The following TPRA1 variants were observed in gnomAD, a reference collection of about 807,000 sequenced individuals.
The protein encoded by TPRA1 is transmembrane protein adipocyte-associated 1.
In TPRA1, 28 loss-of-function variants were observed where a neutral mutation model predicts 40.1. The ratio of observed to expected loss-of-function variants is 0.70; its 90% CI spans 0.52 to 0.96. The LOEUF (loss-of-function observed/expected upper bound fraction) is 0.96, where lower values mean the gene tolerates loss of function less well. Ranked by LOEUF, TPRA1 falls within the 40% of genes least tolerant of loss-of-function variation. The probability of loss-of-function intolerance (pLI) is 0.00; values close to 1 mark genes in which losing one functional copy is unlikely to be tolerated. For synonymous variants in TPRA1, 219 were observed against 209.7 expected (o/e 1.04, Z -0.38); for missense variants, 441 against 482.6 (o/e 0.91, Z 0.81).
chr3:127,591,664 G>A (rs1228644002), upstream of TPRA1, among the ~76,000 whole-genome samples: 13 of 152,144 alleles, frequency 8.5e-5, no homozygotes, highest in Non-Finnish European at 8.8e-5. Flanking sequence ...TCGCTGGAGC[G>A]GCTGTCCAGT....
In TPRA1 at chr3:127,571,411, C is replaced by T. The variant is rs1559824471; in HGVS notation, c.*2110G>A. On this transcript the variant is annotated 3_prime_UTR_variant, in exon 11 of 11. Coordinates refer to ENST00000355552, the MANE Select transcript of TPRA1 (RefSeq NM_001136053.4). ...AATTAAAACTAATTAAGACTGTGTG[C>T]TCCAGCAATTCTACTTGCATGAGTT... 1.3e-5 allele frequency: 2 copies of T among 152,200 alleles called. No individual in the cohort carries two copies. Among genetic ancestry groups the T allele is most frequent in the South Asian group, 2.1e-4 (1 of 4,830 alleles). 9.4% of individuals were successfully genotyped at this position (152,200 alleles called of 1,614,324 possible). A position where few individuals can be genotyped will look rare whatever the true frequency, so the allele number is the denominator to read the frequency against.
At chr3:127,596,281 G>T (rs1246774992) in intron 1 of TPRA1, among the ~76,000 whole-genome samples, 1 of 152,116 alleles carries the variant, frequency 6.6e-6, no homozygotes, top group Admixed American at 6.6e-5. Context: ...GTTTCTCCAT[G>T]TTGGTCAGGC....
In TPRA1 at chr3:127,576,010, G is replaced by A. The variant is rs150898966; in HGVS notation, c.539C>T (p.Ala180Val). The change falls in exon 7 of 11, where the codon GCT (alanine) becomes GTT (valine). Residue 180 changes from alanine to valine, a missense_variant. By Grantham distance (64) the Ala-to-Val change is moderately conservative (BLOSUM62 0). Transcript: ENST00000355552. The surrounding 1 kb of genome is among the most constrained non-coding windows in gnomAD (Gnocchi z 4.6). ...ATGGCCATAGATATTAAAGTCCTCAGCTGAGAGATGGGCATCAGGGTACAG... is the reference window on the plus strand; with the variant it reads ...ATGGCCATAGATATTAAAGTCCTCAACTGAGAGATGGGCATCAGGGTACAG... ...EILYPDAHLS[A>V]EDFNIYGHGG... is the part of the protein sequence containing the mutation. The A allele has an allele frequency of 6.7e-5, 108 of 1,614,052 alleles. No individual in the cohort carries two copies. In the African/African-American group the frequency reaches 1.3e-3, roughly 20 times the overall value.
chr3:127,575,099 T>G, intron 10 of TPRA1, 86 bp downstream of exon 10: 1 of 1,456,554 alleles, frequency 6.9e-7, no homozygotes, highest in Middle Eastern at 1.8e-4. Context: ...ATACACAGCC[T>G]CTCAGCTTCA....
intron 8 of TPRA1, 50 bp from the exon 9 acceptor site, chr3:127,575,555 G>A (rs2073581777): frequency 6.7e-7 from 1 of 1,491,450 alleles, no homozygotes; most frequent in Non-Finnish European, 9.0e-7. Flanking sequence ...GACAGGCCAG[G>A]CTCTGCCTCC....
At chr3:127,580,581 A>G (rs1242215512) in intron 1 of TPRA1, 3 of 177,378 alleles carry the variant, frequency 1.7e-5, no homozygotes, top group Middle Eastern at 2.4e-3. Context: ...TGGGTGTAAC[A>G]AGTGAGGCTG....
At position 127,573,688 on chromosome 3, in the gene TPRA1, C is replaced by T. The variant is rs769088459; in HGVS notation, c.955G>A (p.Gly319Ser). 1 of 1,613,578 alleles carries T rather than the reference C, an allele frequency of 6.2e-7. No individual in the cohort carries two copies. The highest frequency in any genetic ancestry group is 8.5e-7 in the Non-Finnish European group (1 of 1,179,882). ...PQPYAVARRE[G>S]LEAAGAAGAS... ...CCAGCAGCCCCTGCAGCCTCCAGGC[C>T]CTCCCGCCGGGCCACAGCGTAGGGC... Residue 319 changes from glycine to serine, a missense_variant, in exon 11 of 11, where the codon GGC becomes AGC. Coordinates refer to ENST00000355552, the MANE Select transcript of TPRA1 (RefSeq NM_001136053.4).
chr3:127,575,712 T>A (rs956714937), intron 8 of TPRA1, 37 bp downstream of exon 8: 3 of 1,608,056 alleles, frequency 1.9e-6, no homozygotes, highest in Non-Finnish European at 2.6e-6. Context: ...CTCCCTCCCA[T>A]CCCCGCCTGT....
chr3:127,578,039 C>A (rs1251516222), intron 3 of TPRA1, among the ~76,000 whole-genome samples: 1 of 152,190 alleles, frequency 6.6e-6, no homozygotes, highest in East Asian at 1.9e-4. Flanking sequence ...GGAGATGGTG[C>A]CCCAGCAGCA....
chr3:127,575,917 A>C (rs1382395271), intron 7 of TPRA1, 23 bp downstream of exon 7: 3 of 1,613,208 alleles, frequency 1.9e-6, no homozygotes, highest in Admixed American at 1.7e-5. Context: ...CAGCCACCCC[A>C]GCTGCCCCAG....
chr3:127,580,883 A>G (rs184694070), intron 1 of TPRA1, among the ~76,000 whole-genome samples: 57 of 152,328 alleles, frequency 3.7e-4, no homozygotes, highest in African/African-American at 1.3e-3. Context: ...TGTACCACAG[A>G]GGGGCAAGGC....
chr3:127,596,267 C>G lies in TPRA1; in HGVS notation c.-390-577G>C, dbSNP rs1425413815. On this transcript the variant is annotated intron_variant, in intron 1 of 3. Coordinates refer to the TPRA1 transcript ENST00000462228. ...GCTAATTTTGGATTTTTAATAGAGA[C>G]AGGGTTTCTCCATGTTGGTCAGGCT... Among the ~76,000 whole-genome samples the G allele has an allele frequency of 3.9e-5, 6 of 152,090 alleles. 1 individual carries two copies. In the South Asian group the frequency reaches 1.2e-3, roughly 32 times the overall value.
At chr3:127,585,732 TC>T (rs1260379664) in intron 1 of TPRA1, among the ~76,000 whole-genome samples, 4 of 152,160 alleles carry the variant, frequency 2.6e-5, no homozygotes, top group African/African-American at 4.8e-5. Context: ...CCAGACACTG[TC>T]CCCTTCTTCC....
chr3:127,595,808 G>A (rs1196970561), intron 1 of TPRA1: 2 of 152,220 alleles, frequency 1.3e-5, no homozygotes, highest in African/African-American at 2.4e-5. Flanking sequence ...GTTGTAAGCT[G>A]CTCTGTAGAG....
chr3:127,597,810 GTC>G (rs1491115873), intron 1 of TPRA1, among the ~76,000 whole-genome samples: 5 of 151,158 alleles, frequency 3.3e-5, no homozygotes, highest in African/African-American at 1.2e-4. Context: ...AACCTCTGCT[GTC>G]TTTTTTTTTT....
Position 127,579,979 on chromosome 3 carries a change from C to T in TPRA1, c.125+43G>A, listed in dbSNP as rs1343667829. 4 of 1,611,452 alleles carry T rather than the reference C, an allele frequency of 2.5e-6. No individual in the cohort carries two copies. The Admixed American group carries it at 5.0e-5, about 20-fold the overall frequency. ...ACCACCCCCCTACACCAGGAAAAGC[C>T]ACTGACACTCAGCGAGCCTGCCCAG... On this transcript the variant is annotated intron_variant, in intron 2 of 10. Transcript: ENST00000355552.
At position 127,576,218 on chromosome 3, in the gene TPRA1, C is replaced by T. The variant is rs2073618120; in HGVS notation, c.499-168G>A. ...GTCTGCTCCCTGGCCATGTCCTGCC[C>T]AACTGATTGCAGCATCCAGAGCCGG... On this transcript the variant is annotated intron_variant, in intron 6 of 10. Transcript: ENST00000355552. The surrounding 1 kb of genome is among the most constrained non-coding windows in gnomAD (Gnocchi z 4.6). 6.6e-6 allele frequency among the ~76,000 whole-genome samples: 1 copy of T among 152,192 alleles called. No homozygotes were observed. The highest frequency in any genetic ancestry group is 2.1e-4 in the South Asian group (1 of 4,834).
chr3:127,582,872 G>A (rs967109765), intron 1 of TPRA1, among the ~76,000 whole-genome samples: 1 of 151,752 alleles, frequency 6.6e-6, no homozygotes, highest in African/African-American at 2.4e-5. Flanking sequence ...GGCCAGGCAC[G>A]GTGGCTCACG....
intron 10 of TPRA1, among the ~76,000 whole-genome samples, chr3:127,573,998 C>CG (rs1319483302): frequency 1.3e-5 from 2 of 152,140 alleles, no homozygotes; most frequent in East Asian, 3.9e-4. Flanking sequence ...TGAGCTCAGG[C>CG]GGGGGGCATC....
Sources: gnomAD v4.1 joint callset for allele counts (sites outside exome capture counted in the v4.1 genomes callset) on GRCh38, gnomAD v4.1.1 for gene constraint, Gnocchi (gnomAD v3.1) non-coding constraint, MANE v1.5 for transcripts, NCBI Gene and HGNC (gene_info 2026-07-23, HGNC 2026-07-21) for gene names.